TBCEL: variants seen among roughly 807,000 people sequenced by gnomAD.
The protein encoded by TBCEL is tubulin-specific chaperone cofactor E-like protein.
Under a neutral mutation model 44.2 loss-of-function variants are expected in TBCEL, and 15 were observed. The ratio of observed to expected loss-of-function variants is 0.34; its 90% CI spans 0.23 to 0.52. The LOEUF is 0.52. TBCEL is among the 20% of genes least tolerant of loss of function. The probability of loss-of-function intolerance (pLI) is 0.95; values close to 1 mark genes in which losing one functional copy is unlikely to be tolerated. For synonymous variants in TBCEL, 171 were observed against 185.4 expected, an observed-to-expected ratio of 0.92 and a Z score of 0.63; for missense variants, 319 against 506.3, an observed-to-expected ratio of 0.63 and a Z score of 3.55.
At chr11:121,080,222 T>G (rs1946101440) in intron 8 of TBCEL, among the ~76,000 whole-genome samples, 1 of 152,194 alleles carries the variant, frequency 6.6e-6, no homozygotes, top group Non-Finnish European at 1.5e-5. Context: ...GAGAGATGTA[T>G]GTATTAGGGA....
At chr11:121,075,621 T>C (rs1203826848) in intron 8 of TBCEL, among the ~76,000 whole-genome samples, 4 of 151,990 alleles carry the variant, frequency 2.6e-5, no homozygotes. Context: ...GAATACAGTA[T>C]GTCTCTCTGT....
intron 8 of TBCEL, among the ~76,000 whole-genome samples, chr11:121,073,013 G>T (rs1416477712): frequency 3.3e-5 from 5 of 151,996 alleles, no homozygotes; most frequent in Non-Finnish European, 5.9e-5. Flanking sequence ...TGGTGTATTT[G>T]TCCATCCCTT....
intron 8 of TBCEL, among the ~76,000 whole-genome samples, chr11:121,082,408 C>G (rs1162513385): frequency 6.6e-6 from 1 of 152,188 alleles, no homozygotes; most frequent in Admixed American, 6.5e-5. Context: ...TGCTTTGAGT[C>G]TCTCTGACTT....
At chr11:121,040,048 C>T (rs1324865270) in intron 2 of TBCEL, among the ~76,000 whole-genome samples, 1 of 152,158 alleles carries the variant, frequency 6.6e-6, no homozygotes, top group East Asian at 1.9e-4. Context: ...TAAATTAATG[C>T]ACATTTGAAT....
rs778126004 is a variant in TBCEL, at chr11:121,089,702, G to C, written c.*2606G>C. ...GTTTACATGTTATACCTAATTGATT[G>C]TCTGCAGCTTATCTGTATTTTAATA... On this transcript the variant is annotated 3_prime_UTR_variant, in exon 9 of 9. Coordinates refer to ENST00000683345, the MANE Select transcript of TBCEL (RefSeq NM_001363644.2). 2.6e-5 allele frequency: 4 copies of C among 152,156 alleles called. No individual in the cohort carries two copies. The highest frequency in any genetic ancestry group is 4.4e-5 in the Non-Finnish European group (3 of 68,024). The allele number at this position is 152,156 out of a possible 1,614,324, so 9.4% of individuals were successfully genotyped here.
intron 2 of TBCEL, among the ~76,000 whole-genome samples, chr11:121,038,709 G>A (rs1179104179): frequency 1.3e-5 from 2 of 151,878 alleles, no homozygotes; most frequent in Admixed American, 6.6e-5. Flanking sequence ...GACCTCCCCC[G>A]ACCCCCTGCA....
chr11:121,072,788 C>A (rs1319740180), intron 8 of TBCEL, among the ~76,000 whole-genome samples: 1 of 152,008 alleles, frequency 6.6e-6, no homozygotes, highest in Non-Finnish European at 1.5e-5. Context: ...AACCTGTTTT[C>A]CCCCAAAGTT....
chr11:121,075,283 A>G (rs1822197347), intron 8 of TBCEL, among the ~76,000 whole-genome samples: 2 of 152,046 alleles, frequency 1.3e-5, no homozygotes, highest in African/African-American at 2.4e-5. Context: ...TAGAAAAGCA[A>G]TGCAGTGGGG....
intron 8 of TBCEL, among the ~76,000 whole-genome samples, chr11:121,073,623 A>G (rs1310238992): frequency 6.6e-6 from 1 of 151,934 alleles, no homozygotes; most frequent in African/African-American, 2.4e-5. Flanking sequence ...AATATTTAAA[A>G]TGCGCAGTAA....
intron 2 of TBCEL, among the ~76,000 whole-genome samples, chr11:121,039,011 A>T (rs1591383861): frequency 6.6e-6 from 1 of 152,154 alleles, no homozygotes. Flanking sequence ...CTGCATAAAG[A>T]TCAATAACCC....
intron 1 of TBCEL, among the ~76,000 whole-genome samples, chr11:121,033,171 TATTC>T (rs1334666965): frequency 6.6e-6 from 1 of 152,214 alleles, no homozygotes; most frequent in Non-Finnish European, 1.5e-5. Flanking sequence ...ATAATCATGT[TATTC>T]ATAGGTAAAT....
At chr11:121,072,655 A>G (rs1405314342) in intron 8 of TBCEL, among the ~76,000 whole-genome samples, 2 of 151,918 alleles carry the variant, frequency 1.3e-5, no homozygotes, top group African/African-American at 4.8e-5. Flanking sequence ...GTCTTCCCTC[A>G]TATTGTGGCT....
intron 8 of TBCEL, among the ~76,000 whole-genome samples, chr11:121,075,270 A>G (rs923822086): frequency 1.2e-4 from 19 of 152,008 alleles, no homozygotes; most frequent in Non-Finnish European, 2.7e-4. Flanking sequence ...TTTCTGAAAA[A>G]GGTAGAAAAG....
intron 1 of TBCEL, among the ~76,000 whole-genome samples, chr11:121,027,729 C>T (rs1262895211): frequency 1.3e-5 from 2 of 152,164 alleles, no homozygotes; most frequent in Non-Finnish European, 2.9e-5. Context: ...CTTATGTTGT[C>T]TGTACTGCCT....
At chr11:121,057,139 C>G (rs890677216) in intron 6 of TBCEL, among the ~76,000 whole-genome samples, 1 of 151,808 alleles carries the variant, frequency 6.6e-6, no homozygotes, top group African/African-American at 2.4e-5. Context: ...AACTTTTCTT[C>G]CTCCTTGATG....
chr11:121,063,167 C>G (rs1269910400), intron 8 of TBCEL, among the ~76,000 whole-genome samples: 1 of 152,048 alleles, frequency 6.6e-6, no homozygotes. Flanking sequence ...TACCCCATCT[C>G]AAGATATAGG....
intron 8 of TBCEL, among the ~76,000 whole-genome samples, chr11:121,066,876 C>T (rs1259670749): frequency 6.6e-6 from 1 of 152,098 alleles, no homozygotes; most frequent in Non-Finnish European, 1.5e-5. Context: ...TAAAATTGAG[C>T]TTTAGTTTCC....
Position 121,031,298 on chromosome 11 carries a change from T to G in TBCEL, c.-125-5207T>G, listed in dbSNP as rs7950799. On this transcript the variant is annotated intron_variant, in intron 1 of 8. Coordinates refer to ENST00000683345, the MANE Select transcript of TBCEL (RefSeq NM_001363644.2). The stretch of plus-strand genomic sequence containing the variant: ...CCAAGGTGTTTGTACCAGTTGATAC[T>G]CCCACTGGCTACATTGCCAGTTTCT... Among the ~76,000 whole-genome samples the G allele has an allele frequency of 2.2e-3, 337 of 152,348 alleles. 3 individuals carry two copies. The highest frequency in any genetic ancestry group is 6.3e-3 in the African/African-American group (261 of 41,574).
intron 8 of TBCEL, among the ~76,000 whole-genome samples, chr11:121,086,135 C>G (rs564567269): frequency 6.6e-6 from 1 of 152,226 alleles, no homozygotes; most frequent in African/African-American, 2.4e-5. Context: ...CTCTGTAATT[C>G]ACTTTCCTCT....
Sources: allele counts gnomAD v4.1 joint callset (sites outside exome capture counted in the v4.1 genomes callset), GRCh38; gene constraint gnomAD v4.1.1; transcripts MANE v1.5; gene names NCBI Gene and HGNC (gene_info 2026-07-23, HGNC 2026-07-21).